Variants in CYP27C1 observed in about 807,000 individuals in gnomAD.
CYP27C1 encodes cytochrome P450 27C1.
A neutral mutation model predicts 40.6 loss-of-function variants in CYP27C1; 29 were observed. The ratio of observed to expected loss-of-function variants is 0.71; its 90% CI spans 0.53 to 0.97. The LOEUF is 0.97. CYP27C1 is among the 50% of genes least tolerant of loss of function. The pLI, the probability that CYP27C1 is intolerant of heterozygous loss-of-function variation, is 0.00. For synonymous variants in CYP27C1, 198 were observed against 186.8 expected, an observed-to-expected ratio of 1.06 and a Z score of -0.49; for missense variants, 390 against 485.8, an observed-to-expected ratio of 0.80 and a Z score of 1.85.
At position 127,218,145 on chromosome 2, in the gene CYP27C1, A is replaced by C. The variant is rs1377200628; in HGVS notation, c.282+1844T>G. Among the ~76,000 whole-genome samples, 2 of 152,030 alleles carry C rather than the reference A, an allele frequency of 1.3e-5. No individual in the cohort carries two copies. The highest frequency in any genetic ancestry group is 4.8e-5 in the African/African-American group (2 of 41,388). ...GGCAGGAGGGGCTGAGCTCAGGGTG[A>C]GGGCTGGCGGCAGGGGCGGGTGAAT... is the stretch of plus-strand genomic sequence containing the variant. On this transcript the variant is annotated intron_variant, in intron 1 of 8. Transcript: ENST00000664447. This position sits in a 1 kb window ranked among gnomAD's most constrained non-coding sequence, Gnocchi z 6.0.
Position 127,204,480 on chromosome 2 carries a change from GAAAGA to G in CYP27C1, c.474-914_474-910del, listed in dbSNP as rs1558931040. Among the ~76,000 whole-genome samples, 40 of 74,632 alleles carry G rather than the reference GAAAGA, an allele frequency of 5.4e-4. 3 individuals are homozygous for G. Among genetic ancestry groups the G allele is most frequent in the African/African-American group, 1.8e-3 (34 of 18,550 alleles). 49.0% of individuals were successfully genotyped at this position (74,632 alleles called of 152,430 possible). On this transcript the variant is annotated intron_variant, in intron 2 of 8. Coordinates refer to ENST00000664447, the MANE Select transcript of CYP27C1 (RefSeq NM_001367502.1). ...AGAAAGAAAGAAAGAAAGAAAGAAA[GAAAGA>G]AAGGAAGGAAGGAAGGAAGGAAAGA...
intron 1 of CYP27C1, among the ~76,000 whole-genome samples, chr2:127,212,579 C>T (rs1041640396): frequency 6.6e-6 from 1 of 152,188 alleles, no homozygotes; most frequent in Non-Finnish European, 1.5e-5. Context: ...ATAATTATCT[C>T]AATAGATGCA....
intron 1 of CYP27C1, among the ~76,000 whole-genome samples, chr2:127,215,170 C>A (rs1172086162): frequency 1.3e-5 from 2 of 151,004 alleles, no homozygotes; most frequent in African/African-American, 2.4e-5. Flanking sequence ...CTACAGTAAC[C>A]AAGACAGTGC....
chr2:127,204,920 A>G (rs926065630), intron 2 of CYP27C1, among the ~76,000 whole-genome samples: 5 of 152,148 alleles, frequency 3.3e-5, no homozygotes, highest in Admixed American at 1.3e-4. Flanking sequence ...CGCGTTCTCA[A>G]GGAGACCACC....
intron 5 of CYP27C1, among the ~76,000 whole-genome samples, chr2:127,199,091 C>T (rs1377295374): frequency 2.0e-5 from 3 of 152,200 alleles, no homozygotes; most frequent in Non-Finnish European, 4.4e-5. Context: ...TCGAGACCAG[C>T]CTGGCCAACA....
In CYP27C1 at chr2:127,187,221, G is replaced by T; in HGVS notation, c.*50C>A. The T allele has an allele frequency of 1.4e-6, 2 of 1,444,992 alleles. No homozygotes were observed. Among genetic ancestry groups the T allele is most frequent in the Non-Finnish European group, 1.9e-6 (2 of 1,027,190 alleles). The allele number at this position is 1,444,992 out of a possible 1,614,324, so 89.5% of individuals were successfully genotyped here. On this transcript the variant is annotated 3_prime_UTR_variant, in exon 9 of 9. Transcript: ENST00000664447. ...TGATCAGCGAACACAAATACCCACT[G>T]TGTGTCGGCGAGCTGGTCTGCTACA...
chr2:127,192,629 G>C (rs929575219), intron 8 of CYP27C1, among the ~76,000 whole-genome samples: 39 of 141,578 alleles, frequency 2.8e-4, no homozygotes, highest in Admixed American at 9.0e-4. Context: ...CGGGGGGGGG[G>C]GCTGCTGCTG....
chr2:127,195,950 G>A lies in CYP27C1; in HGVS notation c.1048-449C>T, dbSNP rs572549086. Among the ~76,000 whole-genome samples the A allele has an allele frequency of 6.6e-6, 1 of 152,316 alleles. No individual in the cohort carries two copies. Among genetic ancestry groups the A allele is most frequent in the East Asian group, 1.9e-4 (1 of 5,184 alleles). The stretch of plus-strand genomic sequence containing the variant: ...ATGCTGGGCCCGGCCCACTCTGGCT[G>A]CCCTAATCTAGAGATTGGAGTGCAC... On this transcript the variant is annotated intron_variant, in intron 5 of 8. Coordinates refer to ENST00000664447, the MANE Select transcript of CYP27C1 (RefSeq NM_001367502.1). This position sits in a 1 kb window ranked among gnomAD's most constrained non-coding sequence, Gnocchi z 6.2.
rs1682912878 is a variant in CYP27C1, at chr2:127,196,704, A to C, written c.1048-1203T>G. ...TCAAGAGAATAGAAAATTTCTATTT[A>C]GATCACATTTTTATGGAAAAAATGT... is the stretch of plus-strand genomic sequence containing the variant. On this transcript the variant is annotated intron_variant, in intron 5 of 8. Transcript: ENST00000664447. This position sits in a 1 kb window ranked among gnomAD's most constrained non-coding sequence, Gnocchi z 4.5. Among the ~76,000 whole-genome samples, 1 of 152,224 alleles carries C rather than the reference A, an allele frequency of 6.6e-6. No homozygotes were observed. The highest frequency in any genetic ancestry group is 6.5e-5 in the Admixed American group (1 of 15,284).
intron 3 of CYP27C1, among the ~76,000 whole-genome samples, chr2:127,203,166 T>C (rs1415869376): frequency 1.5e-5 from 2 of 136,006 alleles, no homozygotes; most frequent in Admixed American, 7.4e-5. Context: ...AGACTTCATC[T>C]CAGAAAAAAA....
Position 127,201,424 on chromosome 2 carries a change from TC to T in CYP27C1, c.674-94del. 1 of 1,220,482 alleles carries T rather than the reference TC, an allele frequency of 8.2e-7. No homozygotes were observed. Among genetic ancestry groups the T allele is most frequent in the Non-Finnish European group, 1.2e-6 (1 of 867,210 alleles). The allele number at this position is 1,220,482 out of a possible 1,614,324, so 75.6% of individuals were successfully genotyped here. On this transcript the variant is annotated intron_variant, in intron 3 of 8. Transcript: ENST00000664447. This position sits in a 1 kb window ranked among gnomAD's most constrained non-coding sequence, Gnocchi z 6.0. The stretch of plus-strand genomic sequence containing the variant: ...CCATAAATGCAACTTTCAAACGTGG[TC>T]CAGGTGCCTTTCATGAATGAGGCAT...
At chr2:127,202,741 ATG>A (rs1683066336) in intron 3 of CYP27C1, among the ~76,000 whole-genome samples, 1 of 151,290 alleles carries the variant, frequency 6.6e-6, no homozygotes, top group African/African-American at 2.5e-5. Flanking sequence ...CTCAAACAAA[ATG>A]TTTTTTTTTT....
chr2:127,190,835 T>C (rs1366124002), intron 8 of CYP27C1, among the ~76,000 whole-genome samples: 1 of 150,810 alleles, frequency 6.6e-6, no homozygotes. Context: ...TAATCCCAGC[T>C]ACTCCAGAGG....
rs1158912592 is a variant in CYP27C1, at chr2:127,208,551, T to C, written c.283-2461A>G. 1.3e-5 allele frequency among the ~76,000 whole-genome samples: 2 copies of C among 152,134 alleles called. No individual in the cohort carries two copies. The highest frequency in any genetic ancestry group is 2.9e-5 in the Non-Finnish European group (2 of 67,998). On this transcript the variant is annotated intron_variant, in intron 1 of 8. Coordinates refer to ENST00000664447, the MANE Select transcript of CYP27C1 (RefSeq NM_001367502.1). This position sits in a 1 kb window ranked among gnomAD's most constrained non-coding sequence, Gnocchi z 5.2. ...CTGCTGTCTAAGTAATTTGAGCTCC[T>C]TGGGGGAGGGGCAGCAGCCAGCACT...
chr2:127,208,767 C>A lies in CYP27C1; in HGVS notation c.283-2677G>T, dbSNP rs1683281614. Among the ~76,000 whole-genome samples, 1 of 152,200 alleles carries A rather than the reference C, an allele frequency of 6.6e-6. No individual in the cohort carries two copies. Among genetic ancestry groups the A allele is most frequent in the Non-Finnish European group, 1.5e-5 (1 of 68,040 alleles). ...GCCAGAGTGCCTCTTCAGGTCTAAC[C>A]CTGATCCATCCTTCCTCAGTGGCTG... On this transcript the variant is annotated intron_variant, in intron 1 of 8. Transcript: ENST00000664447. The surrounding 1 kb of genome is among the most constrained non-coding windows in gnomAD (Gnocchi z 5.2).
chr2:127,217,961 T>G (rs898735826), intron 1 of CYP27C1, among the ~76,000 whole-genome samples: 1 of 152,174 alleles, frequency 6.6e-6, no homozygotes, highest in Non-Finnish European at 1.5e-5. Flanking sequence ...GTTGGGGTAG[T>G]GCCACCTGGA....
intron 2 of CYP27C1, 112 bp from the exon 3 acceptor site, chr2:127,203,683 C>G: frequency 9.2e-7 from 1 of 1,085,388 alleles, no homozygotes; most frequent in Non-Finnish European, 1.3e-6. Context: ...AAGAGCTGCC[C>G]AACAAAGTAG....
intron 1 of CYP27C1, among the ~76,000 whole-genome samples, chr2:127,211,389 T>TG (rs1558933930): frequency 3.3e-5 from 4 of 122,862 alleles, no homozygotes; most frequent in African/African-American, 1.1e-4. Flanking sequence ...TTTTTTTTTT[T>TG]TTTTTTTTTT....
At position 127,220,126 on chromosome 2, in the gene CYP27C1, C is replaced by T. The variant is rs1683519759; in HGVS notation, c.145G>A (p.Gly49Arg). 1 of 150,470 alleles carries T rather than the reference C, an allele frequency of 6.6e-6. No individual in the cohort carries two copies. Among genetic ancestry groups the T allele is most frequent in the African/African-American group, 2.4e-5 (1 of 41,364 alleles). 9.3% of individuals were successfully genotyped at this position (150,470 alleles called of 1,614,324 possible). ...AGARAEDKGA[G>R]RPGSPPGGGR... ...CCTCCCGGCGGCGACCCCGGCCGCC[C>T]GGCGCCTTTGTCCTCGGCCCGCGCC... Residue 49 changes from glycine (G) to arginine (R), a missense_variant, in exon 1 of 9, where the codon GGG becomes AGG. Gly to Arg is a moderately radical substitution (Grantham distance 125, BLOSUM62 -2). Coordinates refer to ENST00000664447, the MANE Select transcript of CYP27C1 (RefSeq NM_001367502.1). This position sits in a 1 kb window ranked among gnomAD's most constrained non-coding sequence, Gnocchi z 4.6.
Sources: allele counts gnomAD v4.1 joint callset (sites outside exome capture counted in the v4.1 genomes callset), GRCh38; gene constraint gnomAD v4.1.1; non-coding constraint Gnocchi (gnomAD v3.1); transcripts MANE v1.5; gene names NCBI Gene and HGNC (gene_info 2026-07-23, HGNC 2026-07-21).